Variants in MIR2052HG observed in about 807,000 individuals in gnomAD.
The protein encoded by MIR2052HG is MIR2052 host gene.
intron 4 of MIR2052HG, among the ~76,000 whole-genome samples, chr8:74,703,902 G>GCTAC: frequency 6.6e-6 from 1 of 152,028 alleles, no homozygotes; most frequent in South Asian, 2.1e-4. Context: ...AAGCACCGGT[G>GCTAC]CTACCATATT....
chr8:74,627,336 A>T (rs931409148), intron 2 of MIR2052HG, among the ~76,000 whole-genome samples: 1 of 152,218 alleles, frequency 6.6e-6, no homozygotes, highest in Non-Finnish European at 1.5e-5. Flanking sequence ...GACACTTAGT[A>T]AGCACATGAC....
rs966903962 is a variant in MIR2052HG at position 74,686,915 on chromosome 8, G to C, written n.217-15464G>C. On this transcript the variant is annotated intron_variant and non_coding_transcript_variant, in intron 2 of 6. Coordinates refer to ENST00000523442, the Ensembl canonical transcript of MIR2052HG. ...GATAATCTGTTTGTTCTCATTTGCA[G>C]AATCCCTTTTAAAAGACTTTGAAGT... Among the ~76,000 whole-genome samples the C allele has an allele frequency of 2.6e-5, 4 of 152,212 alleles. 1 individual carries two copies. In the South Asian group the frequency reaches 8.3e-4, roughly 32 times the overall value.
At chr8:74,643,161 T>C (rs1279419151) in intron 2 of MIR2052HG, among the ~76,000 whole-genome samples, 1 of 152,220 alleles carries the variant, frequency 6.6e-6, no homozygotes, top group Non-Finnish European at 1.5e-5. Flanking sequence ...GAATATCCAA[T>C]AATCTGCTCA....
chr8:74,734,992 T>C (rs2128755154), intron 4 of MIR2052HG, among the ~76,000 whole-genome samples: 1 of 152,320 alleles, frequency 6.6e-6, no homozygotes, highest in East Asian at 1.9e-4. Context: ...GCCTGGACAG[T>C]AAAGAGGACC....
intron 4 of MIR2052HG, among the ~76,000 whole-genome samples, chr8:74,712,415 A>G (rs1464528629): frequency 6.6e-6 from 1 of 152,190 alleles, no homozygotes; most frequent in East Asian, 1.9e-4. Flanking sequence ...AGCTTAATAT[A>G]TGTCTCTCAA....
At chr8:74,624,125 G>T (rs1808403865) in intron 2 of MIR2052HG, among the ~76,000 whole-genome samples, 1 of 152,144 alleles carries the variant, frequency 6.6e-6, no homozygotes, top group African/African-American at 2.4e-5. Flanking sequence ...AGCAAAGATA[G>T]AAATCATGGA....
chr8:74,647,083 C>A (rs534848113), intron 2 of MIR2052HG, among the ~76,000 whole-genome samples: 36 of 152,268 alleles, frequency 2.4e-4, no homozygotes, highest in African/African-American at 8.4e-4. Flanking sequence ...GTTCACCTAA[C>A]CTTATTCACA....
intron 2 of MIR2052HG, among the ~76,000 whole-genome samples, chr8:74,618,496 A>G (rs1360450402): frequency 6.6e-6 from 1 of 152,202 alleles, no homozygotes; most frequent in African/African-American, 2.4e-5. Context: ...GTACATTAAG[A>G]GTATATTTGA....
chr8:74,611,281 A>G (rs1808190819), intron 1 of MIR2052HG, among the ~76,000 whole-genome samples: 1 of 152,190 alleles, frequency 6.6e-6, no homozygotes, highest in East Asian at 1.9e-4. Context: ...TTGCACACCT[A>G]TTACAAATAT....
intron 4 of MIR2052HG, among the ~76,000 whole-genome samples, chr8:74,718,855 T>C (rs1809546086): frequency 6.6e-6 from 1 of 152,178 alleles, no homozygotes; most frequent in Admixed American, 6.5e-5. Flanking sequence ...CCTTATGATC[T>C]AATTACTTCT....
At chr8:74,659,198 T>C (rs1470560584) in intron 2 of MIR2052HG, among the ~76,000 whole-genome samples, 2 of 152,158 alleles carry the variant, frequency 1.3e-5, no homozygotes, top group Non-Finnish European at 2.9e-5. Flanking sequence ...CTAAATATGC[T>C]CATAAAGAAG....
chr8:74,698,602 T>C (rs768785520), intron 2 of MIR2052HG, among the ~76,000 whole-genome samples: 3 of 152,096 alleles, frequency 2.0e-5, no homozygotes, highest in Admixed American at 6.5e-5. Flanking sequence ...CTTCACAAAC[T>C]ATGGATCTGA....
At chr8:74,640,828 C>T (rs1808632068) in intron 2 of MIR2052HG, among the ~76,000 whole-genome samples, 1 of 152,200 alleles carries the variant, frequency 6.6e-6, no homozygotes, top group Admixed American at 6.5e-5. Flanking sequence ...GCTGCCAAAG[C>T]TTTTGCCTTA....
At chr8:74,734,778 C>T (rs918561242) in intron 4 of MIR2052HG, among the ~76,000 whole-genome samples, 1 of 152,232 alleles carries the variant, frequency 6.6e-6, no homozygotes, top group Non-Finnish European at 1.5e-5. Context: ...CATGCAAGAC[C>T]TTCAAAGGAT....
chr8:74,676,943 G>A (rs1198873677), intron 2 of MIR2052HG, among the ~76,000 whole-genome samples: 2 of 151,902 alleles, frequency 1.3e-5, no homozygotes, highest in Non-Finnish European at 2.9e-5. Context: ...TATGTACCAT[G>A]CCTCAATAAA....
chr8:74,620,048 A>G (rs146940252), intron 2 of MIR2052HG, among the ~76,000 whole-genome samples: 2,185 of 152,362 alleles, frequency 0.014, 16 homozygotes, highest in Non-Finnish European at 0.022. Context: ...GAAATTAACT[A>G]AAACAAAGGG....
intron 2 of MIR2052HG, among the ~76,000 whole-genome samples, chr8:74,624,557 T>G (rs77294590): frequency 6.6e-6 from 1 of 152,354 alleles, no homozygotes; most frequent in African/African-American, 2.4e-5. Flanking sequence ...TGACATTCTG[T>G]GAGACAGTAA....
At chr8:74,675,461 C>T (rs1219767563) in intron 2 of MIR2052HG, among the ~76,000 whole-genome samples, 1 of 151,968 alleles carries the variant, frequency 6.6e-6, no homozygotes, top group Non-Finnish European at 1.5e-5. Flanking sequence ...TATGCCAATA[C>T]TCTGCCATCT....
At chr8:74,643,070 A>G (rs180879326) in intron 2 of MIR2052HG, among the ~76,000 whole-genome samples, 1 of 152,352 alleles carries the variant, frequency 6.6e-6, no homozygotes, top group Admixed American at 6.5e-5. Context: ...ATTTTCAGAT[A>G]GACACATATG....
Sources: gnomAD v4.1 joint callset for allele counts (sites outside exome capture counted in the v4.1 genomes callset) on GRCh38, gnomAD v4.1.1 for gene constraint, MANE v1.5 for transcripts, NCBI Gene and HGNC (gene_info 2026-07-23, HGNC 2026-07-21) for gene names.